Variants in ETHE1 observed in about 807,000 individuals in gnomAD.
ETHE1 encodes the protein persulfide dioxygenase ETHE1, mitochondrial.
In ETHE1, 16 loss-of-function variants were observed where a neutral mutation model predicts 25.7. That is an observed-to-expected ratio of 0.62 (90% CI 0.42 to 0.95). ETHE1 has a LOEUF of 0.95. Ranked by LOEUF, ETHE1 falls within the 40% of genes least tolerant of loss-of-function variation. The pLI is 0.00. For missense variants in ETHE1, 300 were observed against 333.6 expected (o/e 0.90, Z 0.79); for synonymous variants, 139 against 135.9 (o/e 1.02, Z -0.16).
intron 3 of ETHE1, among the ~76,000 whole-genome samples, chr19:43,513,344 A>G (rs763736440): frequency 5.9e-5 from 9 of 151,952 alleles, no homozygotes; most frequent in Non-Finnish European, 1.3e-4. Context: ...AGCTTGCACC[A>G]TGTGCCTGGA....
At chr19:43,508,405 T>C (rs771483080) in intron 5 of ETHE1, among the ~76,000 whole-genome samples, 2 of 147,552 alleles carry the variant, frequency 1.4e-5, no homozygotes, top group Non-Finnish European at 3.0e-5. Context: ...TGGAATATAG[T>C]GGTACAATCA....
chr19:43,526,158 A>T (rs753307398), intron 3 of ETHE1, 43 bp downstream of exon 3: 1 of 1,613,914 alleles, frequency 6.2e-7, no homozygotes, highest in East Asian at 2.2e-5. Context: ...AAGTTTAAGA[A>T]GTCCAGGCCA....
chr19:43,507,778 AGGCCCCC>A (rs1446112376), intron 6 of ETHE1, 159 bp downstream of exon 6: 8 of 358,778 alleles, frequency 2.2e-5, no homozygotes, highest in East Asian at 5.5e-5. Context: ...CCAGGAGTCC[AGGCCCCC>A]AGCCTCTCCT....
At chr19:43,509,547 G>A (rs1451861409) in intron 4 of ETHE1, among the ~76,000 whole-genome samples, 2 of 149,790 alleles carry the variant, frequency 1.3e-5, no homozygotes, top group Non-Finnish European at 3.0e-5. Flanking sequence ...TGTAATCCCA[G>A]CACTTTGGGA....
chr19:43,511,484 C>T lies in ETHE1; in HGVS notation c.458G>A (p.Gly153Glu). 6.2e-7 allele frequency: 1 copy of T among 1,614,160 alleles called. No homozygotes were observed. The highest frequency in any genetic ancestry group is 8.5e-7 in the Non-Finnish European group (1 of 1,180,034). ...ACACCCACGGATCAACAGGGCATCT[C>T]CAGTGAAGGCCATGCTGTGGTCATT... ...VLNDHSMAFT[G>E]DALLIRGCGR... Residue 153 changes from glycine (G) to glutamate (E), a missense_variant, in exon 4 of 7, where the codon GGA (glycine) becomes GAA (glutamate). Gly to Glu is a moderately conservative substitution (Grantham distance 98, BLOSUM62 -2). Coordinates refer to ENST00000292147, the MANE Select transcript of ETHE1 (RefSeq NM_014297.5).
intron 2 of ETHE1, 31 bp from the exon 3 acceptor site, chr19:43,526,380 G>A (rs374555158): frequency 1.2e-4 from 195 of 1,613,628 alleles, no homozygotes; most frequent in Non-Finnish European, 1.6e-4. Context: ...AGGTCCGGAG[G>A]GTACAGAAAG....
intron 6 of ETHE1, among the ~76,000 whole-genome samples, chr19:43,507,385 GCCCCCAGCTCCTCCT>G (rs1233259793): frequency 1.4e-5 from 1 of 73,316 alleles, no homozygotes; most frequent in Admixed American, 1.4e-4. Flanking sequence ...AGGAGTCCAG[GCCCCCAGCTCCTCCT>G]CCCCCAGTCC....
At chr19:43,517,719 T>C (rs1314495163) in intron 3 of ETHE1, among the ~76,000 whole-genome samples, 2 of 150,524 alleles carry the variant, frequency 1.3e-5, no homozygotes, top group East Asian at 3.9e-4. Context: ...GAGGCTGCAG[T>C]GAGCTGAGAT....
At chr19:43,526,854 C>G in intron 1 of ETHE1, 195 bp from the exon 2 acceptor site, 1 of 1,476,016 alleles carries the variant, frequency 6.8e-7, no homozygotes, top group South Asian at 1.4e-5. Context: ...TTCCTAACAT[C>G]CCAAAATCAG....
chr19:43,526,798 T>TCCGGAGC, intron 1 of ETHE1, 139 bp from the exon 2 acceptor site: 2 of 1,522,178 alleles, frequency 1.3e-6, no homozygotes, highest in South Asian at 2.4e-5. Context: ...GAGTCGGGAG[T>TCCGGAGC]CCGGAGCCCC....
At chr19:43,518,373 GA>G (rs886770341) in intron 3 of ETHE1, among the ~76,000 whole-genome samples, 3 of 149,058 alleles carry the variant, frequency 2.0e-5, no homozygotes, top group South Asian at 4.3e-4. Flanking sequence ...AAAGAAAAAA[GA>G]AAAAAAAAGC....
At chr19:43,509,260 G>A (rs1300896728) in intron 4 of ETHE1, among the ~76,000 whole-genome samples, 1 of 152,178 alleles carries the variant, frequency 6.6e-6, no homozygotes, top group Non-Finnish European at 1.5e-5. Context: ...ACTTTGGGAG[G>A]CTGAGGTGGG....
At chr19:43,522,073 T>G (rs1972148268) in intron 3 of ETHE1, among the ~76,000 whole-genome samples, 1 of 152,130 alleles carries the variant, frequency 6.6e-6, no homozygotes, top group Non-Finnish European at 1.5e-5. Context: ...CATCAGTTTT[T>G]GTAAGGCCTG....
At chr19:43,520,045 C>CAAA (rs35862147) in intron 3 of ETHE1, among the ~76,000 whole-genome samples, 5 of 118,742 alleles carry the variant, frequency 4.2e-5, no homozygotes, top group Non-Finnish European at 5.4e-5. Flanking sequence ...GACCCCCACC[C>CAAA]AAAAAAAAAA....
intron 4 of ETHE1, 134 bp downstream of exon 4, chr19:43,511,303 T>C (rs1358536669): frequency 4.3e-6 from 6 of 1,397,608 alleles, no homozygotes; most frequent in Non-Finnish European, 6.0e-6. Flanking sequence ...TTCTAGCAGG[T>C]AAACTCCTTG....
At chr19:43,526,755 A>G (rs969033372) in intron 1 of ETHE1, 96 bp from the exon 2 acceptor site, 247 of 1,587,750 alleles carry the variant, frequency 1.6e-4, no homozygotes, top group Non-Finnish European at 1.8e-4. Context: ...CCTAAGATCC[A>G]GAAGCAGAAA....
At chr19:43,506,960 C>T in intron 6 of ETHE1, 58 bp from the exon 7 acceptor site, 1 of 1,561,986 alleles carries the variant, frequency 6.4e-7, no homozygotes, top group East Asian at 2.2e-5. Context: ...CCAGGCCCCA[C>T]TGGAGACCCA....
chr19:43,515,035 C>T (rs1971991471), intron 3 of ETHE1, among the ~76,000 whole-genome samples: 1 of 152,060 alleles, frequency 6.6e-6, no homozygotes, highest in East Asian at 1.9e-4. Flanking sequence ...AAGGTAAGCA[C>T]ACTAATATAA....
chr19:43,512,854 G>T (rs1971945645), intron 3 of ETHE1, among the ~76,000 whole-genome samples: 1 of 152,192 alleles, frequency 6.6e-6, no homozygotes, highest in Non-Finnish European at 1.5e-5. Context: ...TGTCTCCAGG[G>T]CATGTCAGAG....
Sources: allele counts gnomAD v4.1 joint callset (sites outside exome capture counted in the v4.1 genomes callset), GRCh38; gene constraint gnomAD v4.1.1; transcripts MANE v1.5; gene names NCBI Gene and HGNC (gene_info 2026-07-23, HGNC 2026-07-21).